CHAF1B: variants seen among roughly 807,000 people sequenced by gnomAD.
CHAF1B encodes the protein CAF-1 subunit B.
Under a neutral mutation model 60.7 loss-of-function variants are expected in CHAF1B, and 10 were observed. That is an observed-to-expected ratio of 0.16 (90% CI 0.10 to 0.28). CHAF1B has a LOEUF of 0.28. Among genes scored for constraint, CHAF1B ranks in the 10% least tolerant of loss-of-function variants. CHAF1B has a pLI of 1.00. For synonymous variants in CHAF1B, 261 were observed against 266.1 expected, an observed-to-expected ratio of 0.98 and a Z score of 0.19; for missense variants, 558 against 708.4, an observed-to-expected ratio of 0.79 and a Z score of 2.41.
At chr21:36,389,784 T>TGA (rs2086069261) in intron 3 of CHAF1B, among the ~76,000 whole-genome samples, 1 of 129,724 alleles carries the variant, frequency 7.7e-6, no homozygotes, top group African/African-American at 3.6e-5. Flanking sequence ...TGTGTGTGTG[T>TGA]GTGTGTGTGT....
At chr21:36,388,782 T>TCTAAA (rs1015503788) in intron 3 of CHAF1B, 4 of 152,142 alleles carry the variant, frequency 2.6e-5, no homozygotes, top group African/African-American at 9.7e-5. Flanking sequence ...GGGCATGAAT[T>TCTAAA]CTAAACTGGG....
intron 9 of CHAF1B, among the ~76,000 whole-genome samples, chr21:36,409,166 T>TTA (rs1187054293): frequency 1.3e-5 from 2 of 149,928 alleles, no homozygotes; most frequent in African/African-American, 2.5e-5. Context: ...GTATTTTTTT[T>TTA]TTTTTTTTTT....
chr21:36,412,750 A>C (rs932309081), intron 11 of CHAF1B, 134 bp from the exon 12 acceptor site: 1 of 782,276 alleles, frequency 1.3e-6, no homozygotes, highest in African/African-American at 1.7e-5. Flanking sequence ...GCTATCACAC[A>C]CTCTTTTCCA....
intron 9 of CHAF1B, 54 bp downstream of exon 9, chr21:36,408,884 C>A (rs528044901): frequency 7.6e-7 from 1 of 1,320,056 alleles, no homozygotes; most frequent in Non-Finnish European, 1.1e-6. Context: ...GACGGAGTTT[C>A]GCTCTTGTTG....
intron 10 of CHAF1B, among the ~76,000 whole-genome samples, chr21:36,409,836 G>T (rs114514257): frequency 6.7e-6 from 1 of 149,640 alleles, no homozygotes; most frequent in African/African-American, 2.5e-5. Context: ...AAAGACTGGG[G>T]TTATCAAAAT....
chr21:36,413,333 C>G lies in CHAF1B; in HGVS notation c.1493+18C>G. ...ACACCCCGGTAAGAACTTGTTGGAA[C>G]AAGATGTCATTGCAAAATGAAACAC... is the stretch of plus-strand genomic sequence containing the variant. On this transcript the variant is annotated intron_variant, in intron 12 of 13. Coordinates refer to ENST00000314103, the MANE Select transcript of CHAF1B (RefSeq NM_005441.3). The G allele has an allele frequency of 3.9e-6, 6 of 1,534,208 alleles. No homozygotes were observed. The highest frequency in any genetic ancestry group is 5.2e-6 in the Non-Finnish European group (6 of 1,145,058).
chr21:36,392,698 G>T (rs550105239), intron 4 of CHAF1B, among the ~76,000 whole-genome samples: 6 of 152,022 alleles, frequency 3.9e-5, no homozygotes, highest in African/African-American at 1.4e-4. Flanking sequence ...AGACGGGGCG[G>T]CCGGGCAGAG....
intron 3 of CHAF1B, among the ~76,000 whole-genome samples, chr21:36,388,074 C>T (rs756475646): frequency 2.0e-5 from 3 of 152,118 alleles, no homozygotes; most frequent in Non-Finnish European, 4.4e-5. Context: ...CCACCTGCCT[C>T]GGCCTCCCAA....
chr21:36,392,773 G>A (rs1304262171), intron 4 of CHAF1B, among the ~76,000 whole-genome samples: 2 of 151,960 alleles, frequency 1.3e-5, no homozygotes, highest in African/African-American at 2.4e-5. Context: ...GACGATGGGC[G>A]GCCGGGCAGA....
intron 7 of CHAF1B, among the ~76,000 whole-genome samples, chr21:36,400,994 G>T (rs1229020666): frequency 6.6e-6 from 1 of 152,002 alleles, no homozygotes; most frequent in Non-Finnish European, 1.5e-5. Context: ...CTTCCCGGGT[G>T]CGGTGGCTCA....
At chr21:36,407,552 T>C (rs1465195629) in intron 8 of CHAF1B, among the ~76,000 whole-genome samples, 1 of 152,128 alleles carries the variant, frequency 6.6e-6, no homozygotes, top group Non-Finnish European at 1.5e-5. Flanking sequence ...ATAAAAAATA[T>C]CATAGAGGTA....
intron 5 of CHAF1B, among the ~76,000 whole-genome samples, chr21:36,396,002 G>GT (rs767206606): frequency 9.7e-4 from 142 of 146,672 alleles, no homozygotes; most frequent in Non-Finnish European, 1.4e-3. Context: ...TGTTTTGTGT[G>GT]GTTTTTTTTT....
intron 5 of CHAF1B, among the ~76,000 whole-genome samples, chr21:36,397,136 G>A (rs749955171): frequency 3.9e-5 from 6 of 152,162 alleles, no homozygotes; most frequent in South Asian, 4.2e-4. Context: ...CAGACCCTCC[G>A]CCCTGTGCTG....
intron 7 of CHAF1B, among the ~76,000 whole-genome samples, chr21:36,400,070 G>A (rs1331364402): frequency 2.0e-5 from 3 of 152,062 alleles, no homozygotes; most frequent in Non-Finnish European, 4.4e-5. Flanking sequence ...CCAGCTACTC[G>A]GGAGGCTGAG....
chr21:36,390,159 C>A (rs916458395), intron 3 of CHAF1B, among the ~76,000 whole-genome samples: 4 of 151,778 alleles, frequency 2.6e-5, no homozygotes, highest in African/African-American at 9.7e-5. Context: ...CATGGAGAAA[C>A]CTCGTCTCTA....
At position 36,418,833 on chromosome 21, in the gene CHAF1B, A is replaced by G. The variant is rs572470233; in HGVS notation, c.*2467A>G. The stretch of plus-strand genomic sequence containing the variant: ...CACTGTACTCCAGCCTGGGCGACAG[A>G]GCGAGACTCTGTCTCAAAAAAAAAA... On this transcript the variant is annotated 3_prime_UTR_variant, in exon 14 of 14. Transcript: ENST00000314103. 6.8e-6 allele frequency: 1 copy of G among 147,490 alleles called. No individual in the cohort carries two copies. Among genetic ancestry groups the G allele is most frequent in the South Asian group, 2.1e-4 (1 of 4,724 alleles). 9.1% of individuals were successfully genotyped at this position (147,490 alleles called of 1,614,324 possible).
chr21:36,413,224 A>G lies in CHAF1B; in HGVS notation c.1402A>G (p.Thr468Ala). Residue 468 changes from threonine to alanine, a missense_variant, in exon 12 of 14, where the codon ACC (threonine) becomes GCC (alanine). Around this residue, in one of 2 missense-constraint regions of CHAF1B, gnomAD observed 233 missense variants for 214.9 expected, o/e 1.08. Coordinates refer to ENST00000314103, the MANE Select transcript of CHAF1B (RefSeq NM_005441.3). The stretch of plus-strand genomic sequence containing the variant: ...CTTGCCGGGGCCTTCGGAGGAGAAG[A>G]CCCTGCAGCCCAGTAGTCAAAACAC... ...SPLPGPSEEKTLQPSSQNTKA... is the reference protein window; with the variant it reads ...SPLPGPSEEKALQPSSQNTKA... 1 of 1,614,032 alleles carries G rather than the reference A, an allele frequency of 6.2e-7. No individual in the cohort carries two copies. Among genetic ancestry groups the G allele is most frequent in the Non-Finnish European group, 8.5e-7 (1 of 1,179,998 alleles).
chr21:36,406,439 C>T (rs1037089675), intron 8 of CHAF1B, among the ~76,000 whole-genome samples: 4 of 152,176 alleles, frequency 2.6e-5, no homozygotes, highest in African/African-American at 9.6e-5. Context: ...GCGCCGGCCA[C>T]CATGCCCAGC....
intron 2 of CHAF1B, 61 bp from the exon 3 acceptor site, chr21:36,387,537 T>G: frequency 6.3e-7 from 1 of 1,599,290 alleles, no homozygotes; most frequent in Non-Finnish European, 8.6e-7. Context: ...ATTGTTTTAA[T>G]ACAGACAGTA....
Sources: allele counts gnomAD v4.1 joint callset (sites outside exome capture counted in the v4.1 genomes callset), GRCh38; gene constraint gnomAD v4.1.1; regional missense constraint gnomAD v4.1.1; transcripts MANE v1.5; gene names NCBI Gene and HGNC (gene_info 2026-07-23, HGNC 2026-07-21).